Variants in SPG7 observed in about 807,000 individuals in gnomAD.
SPG7 encodes SPG7 matrix AAA peptidase subunit, paraplegin.
SPG7 carries 103 observed loss-of-function variants against 81.9 expected under a neutral mutation model. That is an observed-to-expected ratio of 1.26 (90% CI 1.07 to 1.48). The LOEUF is 1.48. Ranked by LOEUF, SPG7 falls within the 40% of genes most tolerant of loss-of-function variation. The probability of loss-of-function intolerance (pLI) is 0.00; values close to 1 mark genes in which losing one functional copy is unlikely to be tolerated. For missense variants in SPG7, 1,241 were observed against 1,087.3 expected, an observed-to-expected ratio of 1.14 and a Z score of -1.99; for synonymous variants, 534 against 444.2, an observed-to-expected ratio of 1.20 and a Z score of -2.54.
intron 16 of SPG7, chr16:89,555,621 T>C (rs571171927): frequency 8.4e-6 from 3 of 358,722 alleles, no homozygotes; most frequent in Non-Finnish European, 9.9e-6. Flanking sequence ...GGGTGACAGT[T>C]CCTCAGACCT....
Position 89,510,638 on chromosome 16 carries a change from C to T in SPG7, c.286+46C>T, listed in dbSNP as rs3922633. On this transcript the variant is annotated intron_variant, in intron 2 of 16. Coordinates refer to ENST00000645818, the MANE Select transcript of SPG7 (RefSeq NM_003119.4). ...GCAGCTGAGCATGACTGCACACTTA[C>T]CGCCTCAGCTACTTGGGAGGCTGAT... 0.46 allele frequency: 529,336 copies of T among 1,157,968 alleles called. 123,920 individuals carry two copies. Among genetic ancestry groups the T allele is most frequent in the East Asian group, 0.69 (29,498 of 42,808 alleles). The allele number at this position is 1,157,968 out of a possible 1,614,324, so 71.7% of individuals were successfully genotyped here.
intron 8 of SPG7, 23 bp downstream of exon 8, chr16:89,532,089 G>A: frequency 6.2e-7 from 1 of 1,609,604 alleles, no homozygotes; most frequent in Non-Finnish European, 8.5e-7. Flanking sequence ...GTTGGGGGCT[G>A]TGGGTGGGCT....
chr16:89,536,776 G>A, intron 9 of SPG7: 2 of 1,614,038 alleles, frequency 1.2e-6, no homozygotes, highest in Non-Finnish European at 1.7e-6. Context: ...TGCCTCTCTT[G>A]ACCAGCTACC....
chr16:89,512,884 G>A (rs1428135496), intron 2 of SPG7, 64 bp from the exon 3 acceptor site: 2 of 1,589,324 alleles, frequency 1.3e-6, no homozygotes, highest in South Asian at 2.2e-5. Context: ...GTACACTGTT[G>A]TCCTGTATGC....
At chr16:89,513,870 C>A (rs1377449684) in intron 3 of SPG7, among the ~76,000 whole-genome samples, 1 of 152,176 alleles carries the variant, frequency 6.6e-6, no homozygotes, top group African/African-American at 2.4e-5. Context: ...TGTTGCTTTT[C>A]AGGAAAGCTT....
chr16:89,540,329 G>A (rs2058478731), intron 9 of SPG7: 1 of 152,154 alleles, frequency 6.6e-6, no homozygotes, highest in African/African-American at 2.4e-5. Context: ...GGCCATACGT[G>A]TGATCCCAGC....
intron 14 of SPG7, 96 bp from the exon 15 acceptor site, chr16:89,553,698 G>T: frequency 2.5e-6 from 3 of 1,222,524 alleles, no homozygotes; most frequent in Non-Finnish European, 3.6e-6. Context: ...GGATGGAGGT[G>T]GTGCTGCCTC....
intron 14 of SPG7, chr16:89,553,382 T>C: frequency 1.8e-6 from 1 of 563,522 alleles, no homozygotes. Context: ...TAATTGTTGG[T>C]AATGGCTACA....
intron 3 of SPG7, among the ~76,000 whole-genome samples, chr16:89,515,435 A>AG (rs992380407): frequency 6.8e-6 from 1 of 146,778 alleles, no homozygotes; most frequent in Non-Finnish European, 1.5e-5. Flanking sequence ...TGCCCAGCTA[A>AG]TTTTTGTATT....
intron 14 of SPG7, 100 bp from the exon 15 acceptor site, chr16:89,553,694 A>T (rs765284984): frequency 1.7e-6 from 2 of 1,160,394 alleles, no homozygotes; most frequent in Non-Finnish European, 2.6e-6. Context: ...AAGGGGATGG[A>T]GGTGGTGCTG....
In SPG7 at chr16:89,544,732, G is replaced by T. The variant is rs756535079; in HGVS notation, c.1409G>T (p.Arg470Leu). The T allele has an allele frequency of 6.2e-7, 1 of 1,614,094 alleles. No individual in the cohort carries two copies. Among genetic ancestry groups the T allele is most frequent in the Non-Finnish European group, 8.5e-7 (1 of 1,180,002 alleles). The change falls in exon 10 of 17, where the codon CGA becomes CTA. Residue 470 changes from arginine (R) to leucine (L), a missense_variant. Physicochemically the swap from Arg to Leu is moderately radical, Grantham distance 102. Transcript: ENST00000645818. ...GACGGTGCTCTGATGAGGCCAGGCC[G>T]ACTGGACCGGCACGTCTTCATTGAT... ...ILDGALMRPG[R>L]LDRHVFIDLP...
Position 89,508,516 on chromosome 16 carries a change from C to T in SPG7, c.99C>T (p.Phe33=), listed in dbSNP as rs1331243813. ...CAGGCCCGGCCTGGAGTCCAGGGTT[C>T]CCCGCCAGGCCCGGGAGGGGGCGGC... ...WGPGPAWSPG[F]PARPGRGRPY... is the part of the protein sequence containing the mutation. The change falls in exon 1 of 17, where the codon TTC becomes TTT. Residue 33 remains phenylalanine (F), a synonymous_variant. Coordinates refer to ENST00000645818, the MANE Select transcript of SPG7 (RefSeq NM_003119.4). The T allele has an allele frequency of 1.3e-5, 19 of 1,513,872 alleles. No individual in the cohort carries two copies. The highest frequency in any genetic ancestry group is 2.3e-4 in the Middle Eastern group (1 of 4,354). The allele number at this position is 1,513,872 out of a possible 1,614,324, so 93.8% of individuals were successfully genotyped here.
Position 89,556,468 on chromosome 16 carries a change from A to T in SPG7, c.2182-419A>T, listed in dbSNP as rs7195177. 5.5e-3 allele frequency: 1,756 copies of T among 316,956 alleles called. 35 individuals carry two copies. The highest frequency in any genetic ancestry group is 0.036 in the African/African-American group (1,660 of 46,406). 19.6% of individuals were successfully genotyped at this position (316,956 alleles called of 1,614,324 possible). A position where few individuals can be genotyped will look rare whatever the true frequency, so the allele number is the denominator to read the frequency against. Reference sequence around the variant, plus strand: ...AAGTGTTTTCCAGGATCCCACCTAGAATGGCAGAAATTCACTTCCCCAACT... The same window carrying T: ...AAGTGTTTTCCAGGATCCCACCTAGTATGGCAGAAATTCACTTCCCCAACT... On this transcript the variant is annotated intron_variant, in intron 16 of 16. Coordinates refer to ENST00000645818, the MANE Select transcript of SPG7 (RefSeq NM_003119.4).
Position 89,515,993 on chromosome 16 carries a change from G to T in SPG7, c.376+2956G>T, listed in dbSNP as rs1216158941. On this transcript the variant is annotated intron_variant, in intron 3 of 16. Coordinates refer to ENST00000645818, the MANE Select transcript of SPG7 (RefSeq NM_003119.4). ...CAAAGTGCTGGGATTACAGGTGTGA[G>T]CCACCGTGCCCAGCCTGGAGTTTCA... Among the ~76,000 whole-genome samples the T allele has an allele frequency of 2.0e-5, 3 of 151,666 alleles. No individual in the cohort carries two copies. In the East Asian group the frequency reaches 5.9e-4, roughly 30 times the overall value.
chr16:89,536,629 G>T (rs560159307), intron 9 of SPG7: 4 of 1,005,214 alleles, frequency 4.0e-6, no homozygotes, highest in Non-Finnish European at 6.1e-6. Context: ...GGGTGAGGGC[G>T]GGTGAGGCGG....
chr16:89,553,836 C>T lies in SPG7; in HGVS notation c.1979C>T (p.Ser660Phe). The T allele has an allele frequency of 6.2e-7, 1 of 1,613,582 alleles. No individual in the cohort carries two copies. ...DLRKVTRIAYSMVKQFGMAPG... is the reference protein window; with the variant it reads ...DLRKVTRIAYFMVKQFGMAPG... ...AGGAAGGTCACCCGCATCGCCTACT[C>T]CATGGTGAAGCAGTTTGGGATGGCA... Residue 660 changes from serine (S) to phenylalanine (F), a missense_variant, in exon 15 of 17, where the codon TCC (serine) becomes TTC (phenylalanine). By Grantham distance (155) the Ser-to-Phe change is radical. Transcript: ENST00000645818.
rs116281026 is a variant in SPG7, at chr16:89,548,924, C to T, written c.1663+811C>T. On this transcript the variant is annotated intron_variant, in intron 12 of 16. Coordinates refer to ENST00000645818, the MANE Select transcript of SPG7 (RefSeq NM_003119.4). Reference sequence around the variant, plus strand: ...CCTTTGCGAGCTATCCCTGCGAGAACCGAGTTCCTCACCCTCAATTCGAGT... The same window carrying T: ...CCTTTGCGAGCTATCCCTGCGAGAATCGAGTTCCTCACCCTCAATTCGAGT... 2.0e-3 allele frequency: 900 copies of T among 454,142 alleles called. 7 individuals carry two copies. Among genetic ancestry groups the T allele is most frequent in the African/African-American group, 0.017 (829 of 50,108 alleles). The allele number at this position is 454,142 out of a possible 1,614,324, so 28.1% of individuals were successfully genotyped here.
chr16:89,523,062 GA>G (rs1292985166), intron 3 of SPG7: 1 of 155,624 alleles, frequency 6.4e-6, no homozygotes, highest in African/African-American at 2.4e-5. Context: ...AATGTCTGGA[GA>G]ACAGGGGCCG....
Position 89,530,677 on chromosome 16 carries a change from G to T in SPG7, c.862-6G>T, listed in dbSNP as rs757772218. The stretch of plus-strand genomic sequence containing the variant: ...CAGCTCCTTGCACTTTGTTCTTTCT[G>T]CACAGAATCAGCTTAAAATGGCTCG... On this transcript the variant is annotated splice_region_variant and splice_polypyrimidine_tract_variant and intron_variant, in intron 6 of 16. Coordinates refer to ENST00000645818, the MANE Select transcript of SPG7 (RefSeq NM_003119.4). The T allele has an allele frequency of 2.5e-6, 4 of 1,613,960 alleles. No homozygotes were observed. Among genetic ancestry groups the T allele is most frequent in the African/African-American group, 2.7e-5 (2 of 74,888 alleles).
Sources: gnomAD v4.1 joint callset for allele counts (sites outside exome capture counted in the v4.1 genomes callset) on GRCh38, gnomAD v4.1.1 for gene constraint, MANE v1.5 for transcripts, NCBI Gene and HGNC (gene_info 2026-07-23, HGNC 2026-07-21) for gene names.